SPATA9: variants seen among roughly 807,000 people sequenced by gnomAD.
SPATA9 encodes the protein spermatogenesis-associated protein 9.
SPATA9 carries 27 observed loss-of-function variants against 25.5 expected under a neutral mutation model. The observed-to-expected ratio is 1.06, with a 90% CI of 0.78 to 1.46. The LOEUF is 1.46. Ranked by LOEUF, SPATA9 falls within the 40% of genes most tolerant of loss-of-function variation. The probability of loss-of-function intolerance (pLI) is 0.00; values close to 1 mark genes in which losing one functional copy is unlikely to be tolerated. For missense variants in SPATA9, 282 were observed against 297.5 expected, an observed-to-expected ratio of 0.95 and a Z score of 0.38; for synonymous variants, 102 against 105.7, an observed-to-expected ratio of 0.97 and a Z score of 0.21.
the SPATA9 span, among the ~76,000 whole-genome samples, chr5:95,719,281 G>T: frequency 6.6e-6 from 1 of 152,162 alleles, no homozygotes; most frequent in Non-Finnish European, 1.5e-5. Context: ...AATCTCAGAA[G>T]AACAGAAGTG....
the SPATA9 span, among the ~76,000 whole-genome samples, chr5:95,724,709 A>C: frequency 6.6e-6 from 1 of 152,232 alleles, no homozygotes; most frequent in African/African-American, 2.4e-5. Context: ...CAGGTAATCC[A>C]CAAGTTTCTT....
At chr5:95,708,474 C>T in the SPATA9 span, among the ~76,000 whole-genome samples, 8 of 152,214 alleles carry the variant, frequency 5.3e-5, no homozygotes, top group African/African-American at 1.2e-4. Flanking sequence ...ACAAGGAGCA[C>T]GAGTTATAGA....
At chr5:95,697,754 C>T (rs1020872776) in intron 1 of SPATA9, among the ~76,000 whole-genome samples, 1 of 152,128 alleles carries the variant, frequency 6.6e-6, no homozygotes, top group Non-Finnish European at 1.5e-5. Flanking sequence ...AATTGTTTTC[C>T]TTGAAATGAC....
intron 3 of SPATA9, among the ~76,000 whole-genome samples, chr5:95,666,532 A>C (rs1362043436): frequency 6.6e-6 from 1 of 152,228 alleles, no homozygotes; most frequent in Admixed American, 6.5e-5. Flanking sequence ...GGTAGTATTA[A>C]GGGACATTAA....
intron 1 of SPATA9, among the ~76,000 whole-genome samples, chr5:95,693,752 T>A (rs1223575387): frequency 6.6e-6 from 1 of 152,258 alleles, no homozygotes; most frequent in Non-Finnish European, 1.5e-5. Flanking sequence ...TATTTTAAAT[T>A]GACATCTTTC....
upstream of SPATA9, among the ~76,000 whole-genome samples, chr5:95,684,198 G>A (rs565526815): frequency 2.6e-4 from 40 of 152,172 alleles, no homozygotes; most frequent in Non-Finnish European, 4.9e-4. Context: ...GCAATCCATC[G>A]GTACAAAGAA....
chr5:95,675,722 A>G (rs2548125), intron 2 of SPATA9, 83 bp from the exon 3 acceptor site: 426,307 of 1,071,910 alleles, frequency 0.4, 86,628 homozygotes, highest in Non-Finnish European at 0.42. Context: ...ACTGACTACT[A>G]TATAACTACA....
chr5:95,714,623 A>C, the SPATA9 span, among the ~76,000 whole-genome samples: 1 of 152,216 alleles, frequency 6.6e-6, no homozygotes, highest in African/African-American at 2.4e-5. Flanking sequence ...TGAGTTGAGA[A>C]ATGAATGGCA....
upstream of SPATA9, among the ~76,000 whole-genome samples, chr5:95,702,226 A>G (rs902004777): frequency 4.8e-4 from 73 of 152,264 alleles, 1 homozygote; most frequent in Admixed American, 2.5e-3. Context: ...ACACACACAC[A>G]CACACACACA....
the SPATA9 span, among the ~76,000 whole-genome samples, chr5:95,715,592 C>T: frequency 6.6e-6 from 1 of 152,020 alleles, no homozygotes; most frequent in African/African-American, 2.4e-5. Flanking sequence ...AAATTACTTG[C>T]AGGTAGATTA....
intron 3 of SPATA9, among the ~76,000 whole-genome samples, chr5:95,666,071 A>G (rs948283876): frequency 6.6e-6 from 1 of 152,226 alleles, no homozygotes; most frequent in Non-Finnish European, 1.5e-5. Context: ...AATGTACTTT[A>G]TAAGTATTCA....
chr5:95,731,230 ACCC>A, the SPATA9 span: 2 of 1,002,264 alleles, frequency 2.0e-6, no homozygotes, highest in Non-Finnish European at 2.4e-6. Flanking sequence ...CATCCGCCCG[ACCC>A]CCGGGGCTGG....
chr5:95,688,460 C>T (rs1040831956), intron 1 of SPATA9, among the ~76,000 whole-genome samples: 3 of 152,136 alleles, frequency 2.0e-5, no homozygotes, highest in Admixed American at 1.3e-4. Context: ...CTATGTTGCC[C>T]AGGCTGGTGT....
At chr5:95,716,586 G>A in the SPATA9 span, among the ~76,000 whole-genome samples, 1 of 152,202 alleles carries the variant, frequency 6.6e-6, no homozygotes, top group Admixed American at 6.5e-5. Context: ...CCTTATCTCA[G>A]ATGAGACTTT....
downstream of SPATA9, chr5:95,653,915 G>A: frequency 1.7e-6 from 1 of 593,700 alleles, no homozygotes. Context: ...TAATAATCTA[G>A]TATTTATAAA....
chr5:95,715,110 G>A, the SPATA9 span, among the ~76,000 whole-genome samples: 3 of 152,090 alleles, frequency 2.0e-5, no homozygotes, highest in Non-Finnish European at 4.4e-5. Context: ...CAGTTCACGA[G>A]GTCAGGAGAT....
chr5:95,655,835 A>G, downstream of SPATA9: 1 of 500,242 alleles, frequency 2.0e-6, no homozygotes, highest in South Asian at 3.4e-5. Flanking sequence ...GTCTTCTGAT[A>G]GAGCTCTAAC....
chr5:95,720,668 C>T, the SPATA9 span, among the ~76,000 whole-genome samples: 4 of 151,802 alleles, frequency 2.6e-5, no homozygotes, highest in South Asian at 2.1e-4. Context: ...TTACATTATA[C>T]GTCACTGCTT....
chr5:95,664,138 A>T, intron 3 of SPATA9, 90 bp from the exon 4 acceptor site: 1 of 677,670 alleles, frequency 1.5e-6, no homozygotes, highest in African/African-American at 1.9e-5. Context: ...ATGAGAATTT[A>T]TTTTTTTCTA....
Sources: allele counts gnomAD v4.1 joint callset (sites outside exome capture counted in the v4.1 genomes callset), GRCh38; gene constraint gnomAD v4.1.1; transcripts MANE v1.5; gene names NCBI Gene and HGNC (gene_info 2026-07-23, HGNC 2026-07-21).